MYH13: variants seen among roughly 807,000 people sequenced by gnomAD.
MYH13 encodes myosin heavy chain 13.
MYH13 carries 177 observed loss-of-function variants against 232.1 expected under a neutral mutation model. That is an observed-to-expected ratio of 0.76 (90% CI 0.67 to 0.86). The LOEUF is 0.86. Among genes scored for constraint, MYH13 ranks in the 40% least tolerant of loss-of-function variants. MYH13 has a pLI of 0.00. For missense variants in MYH13, 2,246 were observed against 2,405.9 expected (o/e 0.93, Z 1.39); for synonymous variants, 884 against 923.5 (o/e 0.96, Z 0.78).
Position 10,324,015 on chromosome 17 carries a change from T to G in MYH13, c.2934+7A>C, listed in dbSNP as rs771308577. 3.7e-6 allele frequency: 6 copies of G among 1,613,538 alleles called. No homozygotes were observed. Among genetic ancestry groups the G allele is most frequent in the Non-Finnish European group, 3.4e-6 (4 of 1,179,808 alleles). On this transcript the variant is annotated splice_region_variant and intron_variant, in intron 23 of 40. Transcript: ENST00000252172. ...AGACACTGTGGGAGTCCCTTGGGTT[T>G]GCTCACCTTGTTCTCTGTGGCATGC...
rs759654579 is a variant in MYH13 at position 10,309,743 on chromosome 17, C to G, written c.4744G>C (p.Glu1582Gln). The G allele has an allele frequency of 6.2e-7, 1 of 1,602,504 alleles. No individual in the cohort carries two copies. The highest frequency in any genetic ancestry group is 8.5e-7 in the Non-Finnish European group (1 of 1,174,392). Residue 1582 changes from glutamate (E) to glutamine (Q), a missense_variant, in exon 34 of 41, where the codon GAG (glutamate) becomes CAG (glutamine). By Grantham distance (29) the Glu-to-Gln change is conservative. Coordinates refer to ENST00000252172, the MANE Select transcript of MYH13 (RefSeq NM_003802.3). ...VKSELDRKVI[E>Q]KDEEIEQLKR... Reference sequence around the variant, plus strand: ...AGCTGCTCGATTTCTTCATCCTTCTCAATGACCTTGCGGTCTAGCTCGGAT... The same window carrying G: ...AGCTGCTCGATTTCTTCATCCTTCTGAATGACCTTGCGGTCTAGCTCGGAT...
chr17:10,336,563 A>C (rs112140003), intron 18 of MYH13, among the ~76,000 whole-genome samples: 8 of 152,216 alleles, frequency 5.3e-5, no homozygotes, highest in South Asian at 2.1e-4. Flanking sequence ...TCCTGCAAGC[A>C]CGTCTTTCAC....
intron 21 of MYH13, among the ~76,000 whole-genome samples, chr17:10,328,976 C>T (rs1201821453): frequency 6.6e-6 from 1 of 152,166 alleles, no homozygotes; most frequent in Admixed American, 6.5e-5. Context: ...CCACAACCAG[C>T]CTGTATTCCT....
chr17:10,354,192 A>G (rs983305104), intron 11 of MYH13, among the ~76,000 whole-genome samples: 3 of 152,178 alleles, frequency 2.0e-5, no homozygotes, highest in Admixed American at 2.0e-4. Flanking sequence ...CTTCCCCAAA[A>G]TAAACACCAC....
chr17:10,350,511 G>A, intron 12 of MYH13, 45 bp downstream of exon 12: 2 of 1,592,000 alleles, frequency 1.3e-6, no homozygotes, highest in South Asian at 2.3e-5. Context: ...GCCCGCACAT[G>A]AACATAGATG....
intron 2 of MYH13, among the ~76,000 whole-genome samples, chr17:10,366,381 G>GTTTGTTTTTTTGTTTTTTTTTTT (rs2071837334): frequency 2.7e-5 from 3 of 112,622 alleles, no homozygotes; most frequent in African/African-American, 9.7e-5. Flanking sequence ...AAATAAATCT[G>GTTTGTTTTTTTGTTTTTTTTTTT]TTTTTTTTTT....
intron 11 of MYH13, among the ~76,000 whole-genome samples, chr17:10,353,493 G>A (rs1186139663): frequency 6.6e-6 from 1 of 152,170 alleles, no homozygotes; most frequent in Non-Finnish European, 1.5e-5. Context: ...GCCAACAAGG[G>A]TGGAGATGAA....
chr17:10,313,540 T>C (rs1362641807), intron 29 of MYH13, among the ~76,000 whole-genome samples, 186 bp from the exon 30 acceptor site: 1 of 152,214 alleles, frequency 6.6e-6, no homozygotes, highest in Non-Finnish European at 1.5e-5. Context: ...TATATTTAAA[T>C]ATATTTAACA....
At chr17:10,350,432 C>A (rs1284109467) in intron 12 of MYH13, 124 bp downstream of exon 12, 3 of 1,400,748 alleles carry the variant, frequency 2.1e-6, no homozygotes, top group African/African-American at 2.9e-5. Flanking sequence ...TTCAGGAAAC[C>A]CAGATTTGAT....
chr17:10,335,415 C>T (rs549329882), intron 18 of MYH13, among the ~76,000 whole-genome samples: 3 of 152,236 alleles, frequency 2.0e-5, no homozygotes, highest in African/African-American at 4.8e-5. Flanking sequence ...GGATAATCAA[C>T]CTGTAGTATC....
At position 10,345,320 on chromosome 17, in the gene MYH13, T is replaced by G; in HGVS notation, c.1466A>C (p.Gln489Pro). 1 of 1,614,190 alleles carries G rather than the reference T, an allele frequency of 6.2e-7. No individual in the cohort carries two copies. Among genetic ancestry groups the G allele is most frequent in the Non-Finnish European group, 8.5e-7 (1 of 1,180,028 alleles). Residue 489 changes from glutamine to proline, a missense_variant, in exon 15 of 41, where the codon CAG becomes CCG. Coordinates refer to ENST00000252172, the MANE Select transcript of MYH13 (RefSeq NM_003802.3). ...CINFTNEKLQ[Q>P]FFNHHMFVLE... is the part of the protein sequence containing the mutation. ...CACGAACATGTGGTGGTTGAAAAAC[T>G]GTTGCAGTTTCTCATTGGTGAAGTT...
chr17:10,360,516 C>T (rs1183045656), intron 5 of MYH13, among the ~76,000 whole-genome samples: 1 of 152,180 alleles, frequency 6.6e-6, no homozygotes, highest in Non-Finnish European at 1.5e-5. Context: ...AAGCAAGTGT[C>T]AGGTTCAGAG....
rs752953353 is a variant in MYH13 at position 10,319,034 on chromosome 17, A to T, written c.3494T>A (p.Ile1165Asn). 3.7e-6 allele frequency: 6 copies of T among 1,613,828 alleles called. No homozygotes were observed. Among genetic ancestry groups the T allele is most frequent in the Non-Finnish European group, 5.1e-6 (6 of 1,179,990 alleles). Residue 1165 changes from isoleucine to asparagine, a missense_variant, in exon 27 of 41, where the codon ATT becomes AAT. Coordinates refer to ENST00000252172, the MANE Select transcript of MYH13 (RefSeq NM_003802.3). Reference protein sequence around the residue: ...EEASGATSAQIEMNKKREAEF... With the variant: ...EEASGATSAQNEMNKKREAEF... ...AGCCTCCCTCTTCTTGTTCATCTCA[A>T]TCTGGGCTGAAGTGGCCCCACTGGC...
intron 13 of MYH13, among the ~76,000 whole-genome samples, chr17:10,345,991 CAAAAAAAAAAA>C (rs1211414796): frequency 1.2e-5 from 1 of 83,084 alleles, no homozygotes; most frequent in African/African-American, 5.9e-5. Flanking sequence ...GACTCTGTCT[CAAAAAAAAAAA>C]AAAAAAAAAA....
rs868838426 is a variant in MYH13 at position 10,323,944 on chromosome 17, C to T, written c.2934+78G>A. 63 of 1,557,306 alleles carry T rather than the reference C, an allele frequency of 4.0e-5. No individual in the cohort carries two copies. The Middle Eastern group carries it at 7.0e-4, about 17-fold the overall frequency. ...CAATGTTATATTGACTGGACTCCTA[C>T]GCCACCCTTTCTCCTCCTTACAGAG... is the stretch of plus-strand genomic sequence containing the variant. On this transcript the variant is annotated intron_variant, in intron 23 of 40. Coordinates refer to ENST00000252172, the MANE Select transcript of MYH13 (RefSeq NM_003802.3).
In MYH13 at chr17:10,306,356, C is replaced by T; in HGVS notation, c.5466+103G>A. 3 of 1,466,230 alleles carry T rather than the reference C, an allele frequency of 2.0e-6. No individual in the cohort carries two copies. Among genetic ancestry groups the T allele is most frequent in the Non-Finnish European group, 2.8e-6 (3 of 1,080,762 alleles). The allele number at this position is 1,466,230 out of a possible 1,614,324, so 90.8% of individuals were successfully genotyped here. A position where few individuals can be genotyped will look rare whatever the true frequency, so the allele number is the denominator to read the frequency against. On this transcript the variant is annotated intron_variant, in intron 37 of 40. Transcript: ENST00000252172. This position sits in a 1 kb window ranked among gnomAD's most constrained non-coding sequence, Gnocchi z 4.3. ...TCAAGCAGTCCTGAAACTGAATTTG[C>T]AATCTATTCATTCAGTGGCCTTTTC...
chr17:10,300,946 G>C lies in MYH13; in HGVS notation c.*5C>G. On this transcript the variant is annotated 3_prime_UTR_variant, in exon 41 of 41. Transcript: ENST00000252172. ...TGTCCCATGGCAACGAGCATCAGGTGAGCCTCATTCTTCCATCTTCTGTGG... is the reference window on the plus strand; with the variant it reads ...TGTCCCATGGCAACGAGCATCAGGTCAGCCTCATTCTTCCATCTTCTGTGG... 1.2e-6 allele frequency: 2 copies of C among 1,612,850 alleles called. No individual in the cohort carries two copies. Among genetic ancestry groups the C allele is most frequent in the African/African-American group, 1.3e-5 (1 of 74,972 alleles).
At position 10,333,198 on chromosome 17, in the gene MYH13, A is replaced by G. The variant is rs1907471426; in HGVS notation, c.2057-7T>C. On this transcript the variant is annotated splice_region_variant and splice_polypyrimidine_tract_variant and intron_variant, in intron 18 of 40. Transcript: ENST00000252172. ...AAGTAGTGGTCCATCACACCTGGAG[A>G]GAGAACGTCCCGGGGGTGTGCCTGT... 6.5e-7 allele frequency: 1 copy of G among 1,533,622 alleles called. No individual in the cohort carries two copies. The highest frequency in any genetic ancestry group is 1.2e-5 in the South Asian group (1 of 83,796).
intron 18 of MYH13, among the ~76,000 whole-genome samples, chr17:10,335,134 T>C (rs1275873310): frequency 6.6e-6 from 1 of 152,110 alleles, no homozygotes; most frequent in East Asian, 1.9e-4. Flanking sequence ...CTGAAAACTT[T>C]TGAGCTCCAA....
Sources: allele counts gnomAD v4.1 joint callset (sites outside exome capture counted in the v4.1 genomes callset), GRCh38; gene constraint gnomAD v4.1.1; non-coding constraint Gnocchi (gnomAD v3.1); transcripts MANE v1.5; gene names NCBI Gene and HGNC (gene_info 2026-07-23, HGNC 2026-07-21).